Variants in UNC5D observed in about 807,000 individuals in gnomAD.
UNC5D encodes unc-5 netrin receptor D.
In UNC5D, 39 loss-of-function variants were observed where a neutral mutation model predicts 105.4. That is an observed-to-expected ratio of 0.37 (90% CI 0.29 to 0.48). The LOEUF is 0.48. Among genes scored for constraint, UNC5D ranks in the 20% least tolerant of loss-of-function variants. UNC5D has a pLI of 0.98. For synonymous variants in UNC5D, 452 were observed against 450.4 expected (o/e 1.00, Z -0.04); for missense variants, 991 against 1,202.4 (o/e 0.82, Z 2.60).
intron 1 of UNC5D, among the ~76,000 whole-genome samples, chr8:35,261,622 T>C (rs1427055904): frequency 2.0e-5 from 3 of 150,214 alleles, no homozygotes; most frequent in Admixed American, 6.6e-5. Context: ...TTGAAATGAT[T>C]TGTGTGTGTA....
chr8:35,411,030 G>A (rs554525734), intron 1 of UNC5D, among the ~76,000 whole-genome samples: 1 of 152,082 alleles, frequency 6.6e-6, no homozygotes, highest in East Asian at 1.9e-4. Flanking sequence ...AGCCTCCCCT[G>A]TTGATATTTT....
Position 35,470,601 on chromosome 8 carries a change from CAAAA to C in UNC5D, c.104-78674_104-78671del, listed in dbSNP as rs143876201. Among the ~76,000 whole-genome samples, 223 of 119,800 alleles carry C rather than the reference CAAAA, an allele frequency of 1.9e-3. 1 individual carries two copies. Among genetic ancestry groups the C allele is most frequent in the African/African-American group, 5.9e-3 (186 of 31,442 alleles). 78.6% of individuals were successfully genotyped at this position (119,800 alleles called of 152,430 possible). A position where few individuals can be genotyped will look rare whatever the true frequency, so the allele number is the denominator to read the frequency against. The stretch of plus-strand genomic sequence containing the variant: ...TGAAACCCTATCTCTACAAAAAATG[CAAAA>C]AAAAAAAAAAAAAAAATTACCTAGG... On this transcript the variant is annotated intron_variant, in intron 1 of 16. Transcript: ENST00000404895.
At chr8:35,728,286 G>A (rs181149030) in intron 10 of UNC5D, among the ~76,000 whole-genome samples, 3 of 152,006 alleles carry the variant, frequency 2.0e-5, no homozygotes, top group Admixed American at 6.6e-5. Flanking sequence ...GTATGTGTGT[G>A]TGTGTGCACA....
At chr8:35,372,700 CTGAAGAAATT>C (rs1802493614) in intron 1 of UNC5D, among the ~76,000 whole-genome samples, 3 of 151,716 alleles carry the variant, frequency 2.0e-5, no homozygotes, top group Non-Finnish European at 4.4e-5. Flanking sequence ...AATTTATGAG[CTGAAGAAATT>C]CTTTTACCTC....
chr8:35,789,769 A>AAAACCTTG (rs1260522625), intron 16 of UNC5D, among the ~76,000 whole-genome samples: 1 of 152,180 alleles, frequency 6.6e-6, no homozygotes, highest in Non-Finnish European at 1.5e-5. Flanking sequence ...AATCAAAGGT[A>AAAACCTTG]AAACCTTGAA....
At chr8:35,332,164 A>G (rs1810675717) in intron 1 of UNC5D, among the ~76,000 whole-genome samples, 1 of 152,218 alleles carries the variant, frequency 6.6e-6, no homozygotes, top group African/African-American at 2.4e-5. Flanking sequence ...AAACATGCTA[A>G]AATCAGGGTT....
intron 13 of UNC5D, among the ~76,000 whole-genome samples, chr8:35,756,541 CAT>C (rs984356486): frequency 1.7e-4 from 24 of 141,896 alleles, no homozygotes; most frequent in African/African-American, 5.1e-4. Context: ...CTGATCTTCA[CAT>C]GAGTCTTTAA....
Position 35,272,061 on chromosome 8 carries a change from G to A in UNC5D, c.103+36174G>A, listed in dbSNP as rs563508225. Reference sequence around the variant, plus strand: ...CTACCCACCACTAAAATAAAACTCCGGGAGAACACAGCAGCTGTGGAATGG... The same window carrying A: ...CTACCCACCACTAAAATAAAACTCCAGGAGAACACAGCAGCTGTGGAATGG... On this transcript the variant is annotated intron_variant, in intron 1 of 16. Coordinates refer to ENST00000404895, the MANE Select transcript of UNC5D (RefSeq NM_080872.4). Among the ~76,000 whole-genome samples the A allele has an allele frequency of 3.9e-5, 6 of 151,930 alleles. No individual in the cohort carries two copies. The East Asian group carries it at 5.8e-4, about 15-fold the overall frequency.
intron 1 of UNC5D, among the ~76,000 whole-genome samples, chr8:35,425,809 A>G (rs1318179321): frequency 6.6e-6 from 1 of 152,040 alleles, no homozygotes; most frequent in Non-Finnish European, 1.5e-5. Flanking sequence ...CTTCTTTTTA[A>G]TTGGACATAT....
At chr8:35,785,375 A>G (rs1231664341) in intron 16 of UNC5D, among the ~76,000 whole-genome samples, 1 of 151,994 alleles carries the variant, frequency 6.6e-6, no homozygotes, top group African/African-American at 2.4e-5. Flanking sequence ...ATATATATAT[A>G]TTGAGATGAA....
At chr8:35,415,937 C>A (rs1805501594) in intron 1 of UNC5D, among the ~76,000 whole-genome samples, 1 of 151,930 alleles carries the variant, frequency 6.6e-6, no homozygotes, top group South Asian at 2.1e-4. Flanking sequence ...ATTTACCTTG[C>A]AAACTGTAAA....
intron 1 of UNC5D, among the ~76,000 whole-genome samples, chr8:35,497,116 G>A (rs118130355): frequency 0.021 from 3,244 of 152,266 alleles, 55 homozygotes; most frequent in Admixed American, 0.064. Context: ...TAGGTTTGAT[G>A]AAGAAGTAGA....
At chr8:35,781,383 C>G (rs1802495161) in intron 16 of UNC5D, among the ~76,000 whole-genome samples, 1 of 152,146 alleles carries the variant, frequency 6.6e-6, no homozygotes, top group Non-Finnish European at 1.5e-5. Context: ...TATGCTCCCA[C>G]TGTGGGCTCC....
chr8:35,610,558 G>A (rs960206911), intron 4 of UNC5D, among the ~76,000 whole-genome samples: 6 of 152,156 alleles, frequency 3.9e-5, no homozygotes, highest in Non-Finnish European at 8.8e-5. Flanking sequence ...TCTGTCCTTC[G>A]AAGGGCAAGG....
chr8:35,496,384 G>C (rs1475196893), intron 1 of UNC5D, among the ~76,000 whole-genome samples: 1 of 152,164 alleles, frequency 6.6e-6, no homozygotes, highest in Non-Finnish European at 1.5e-5. Flanking sequence ...CTGTAGTATA[G>C]AGAACAGTTT....
chr8:35,420,462 G>C (rs1352622000), intron 1 of UNC5D, among the ~76,000 whole-genome samples: 2 of 152,126 alleles, frequency 1.3e-5, no homozygotes, highest in African/African-American at 4.8e-5. Context: ...GCGGTACTCT[G>C]AACTGTCTTG....
At chr8:35,365,260 T>A (rs1802048994) in intron 1 of UNC5D, among the ~76,000 whole-genome samples, 2 of 152,096 alleles carry the variant, frequency 1.3e-5, no homozygotes, top group Non-Finnish European at 2.9e-5. Context: ...TGTGTTTCAT[T>A]TTGCACAACT....
At chr8:35,373,262 G>A (rs1802522737) in intron 1 of UNC5D, among the ~76,000 whole-genome samples, 2 of 152,192 alleles carry the variant, frequency 1.3e-5, no homozygotes, top group South Asian at 4.1e-4. Flanking sequence ...AGTGCACAGT[G>A]AAATGGATTG....
At chr8:35,362,800 A>C (rs1378121254) in intron 1 of UNC5D, among the ~76,000 whole-genome samples, 1 of 152,102 alleles carries the variant, frequency 6.6e-6, no homozygotes, top group Non-Finnish European at 1.5e-5. Context: ...TGTTGGCTGT[A>C]AGTTCTTCAT....
Sources: allele counts gnomAD v4.1 joint callset (sites outside exome capture counted in the v4.1 genomes callset), GRCh38; gene constraint gnomAD v4.1.1; transcripts MANE v1.5; gene names NCBI Gene and HGNC (gene_info 2026-07-23, HGNC 2026-07-21).